The following CAMKK2 variants were observed in gnomAD, a reference collection of about 807,000 sequenced individuals.
The protein encoded by CAMKK2 is calcium/calmodulin dependent protein kinase kinase 2, also known as calcium/calmodulin-dependent protein kinase kinase 2.
CAMKK2 carries 30 observed loss-of-function variants against 67.2 expected under a neutral mutation model. The ratio of observed to expected loss-of-function variants is 0.45; its 90% CI spans 0.33 to 0.61. CAMKK2 has a LOEUF of 0.61. Ranked by LOEUF, CAMKK2 falls within the 20% of genes least tolerant of loss-of-function variation. The pLI, the probability that CAMKK2 is intolerant of heterozygous loss-of-function variation, is 0.02. For missense variants in CAMKK2, 643 were observed against 802.0 expected, an observed-to-expected ratio of 0.80 and a Z score of 2.39; for synonymous variants, 322 against 326.2, an observed-to-expected ratio of 0.99 and a Z score of 0.14.
In CAMKK2 at chr12:121,274,318, C is replaced by G; in HGVS notation, c.209G>C (p.Arg70Pro). Residue 70 changes from arginine to proline, a missense_variant, in exon 2 of 17, where the codon CGG becomes CCG. Arg to Pro is a moderately radical substitution (Grantham distance 103, BLOSUM62 -2). This residue lies in a region of CAMKK2 where 483 missense variants were observed against 625.8 expected (regional missense o/e 0.77). Coordinates refer to ENST00000404169, the MANE Select transcript of CAMKK2 (RefSeq NM_001270485.2). Reference protein sequence around the residue: ...PGCAVDLGLARDRPLEADGQE... With the variant: ...PGCAVDLGLAPDRPLEADGQE... ...GCCATCGGCCTCCAGGGGCCGGTCC[C>G]GCGCCAAGCCGAGGTCCACAGCACA... 6.2e-7 allele frequency: 1 copy of G among 1,613,210 alleles called. No individual in the cohort carries two copies.
chr12:121,265,934 C>T (rs1894437215), intron 5 of CAMKK2, among the ~76,000 whole-genome samples: 1 of 151,946 alleles, frequency 6.6e-6, no homozygotes, highest in African/African-American at 2.4e-5. Context: ...GAAGGCACTA[C>T]CTATGTTTGT....
rs189066391 is a variant in CAMKK2 at position 121,273,346 on chromosome 12, G to A, written c.471+710C>T. On this transcript the variant is annotated intron_variant, in intron 2 of 16. Coordinates refer to ENST00000404169, the MANE Select transcript of CAMKK2 (RefSeq NM_001270485.2). The stretch of plus-strand genomic sequence containing the variant: ...GGCAAGAGCTTGGATTCCGAGGAAT[G>A]TGAAGGCAGGAACAGAGGGAGCTTA... Among the ~76,000 whole-genome samples the A allele has an allele frequency of 3.8e-4, 58 of 152,216 alleles. 1 individual carries two copies. The highest frequency in any genetic ancestry group is 1.4e-3 in the Admixed American group (22 of 15,286).
rs148510926 is a variant in CAMKK2 at position 121,239,727 on chromosome 12, G to A, written c.*972C>T. 3 of 152,326 alleles carry A rather than the reference G, an allele frequency of 2.0e-5. No individual in the cohort carries two copies. The highest frequency in any genetic ancestry group is 2.9e-5 in the Non-Finnish European group (2 of 68,028). 9.4% of individuals were successfully genotyped at this position (152,326 alleles called of 1,614,324 possible). A position where few individuals can be genotyped will look rare whatever the true frequency, so the allele number is the denominator to read the frequency against. ...GCTAATATATATACAGGCGGGCATA[G>A]GTTTCATCGGCTCTAACTGATCACA... On this transcript the variant is annotated 3_prime_UTR_variant, in exon 17 of 17. Transcript: ENST00000404169.
At position 121,251,124 on chromosome 12, in the gene CAMKK2, C is replaced by T. The variant is rs373424322; in HGVS notation, c.1162-1090G>A. Among the ~76,000 whole-genome samples, 53 of 152,278 alleles carry T rather than the reference C, an allele frequency of 3.5e-4. 1 individual carries two copies. The South Asian group carries it at 6.0e-3, about 17-fold the overall frequency. ...GTGGCAGAGAGGTACCTGAACCACC[C>T]GTCTAAGGAAAACGATTTCATTAAG... On this transcript the variant is annotated intron_variant, in intron 11 of 16. Coordinates refer to ENST00000404169, the MANE Select transcript of CAMKK2 (RefSeq NM_001270485.2).
At chr12:121,289,796 G>A (rs140470511) in intron 1 of CAMKK2, among the ~76,000 whole-genome samples, 161 of 152,036 alleles carry the variant, frequency 1.1e-3, no homozygotes, top group Non-Finnish European at 1.8e-3. Flanking sequence ...GGAAGGTTGA[G>A]GCACGACAAT....
chr12:121,283,110 G>A (rs908053611), intron 1 of CAMKK2, among the ~76,000 whole-genome samples: 1 of 152,140 alleles, frequency 6.6e-6, no homozygotes, highest in African/African-American at 2.4e-5. Context: ...GCTTCTCTAG[G>A]AAGATAATAC....
At chr12:121,295,089 G>C (rs1900875433) in intron 1 of CAMKK2, among the ~76,000 whole-genome samples, 1 of 152,312 alleles carries the variant, frequency 6.6e-6, no homozygotes, top group East Asian at 1.9e-4. Flanking sequence ...AGAATCGCTT[G>C]AACCCGGGAG....
intron 7 of CAMKK2, among the ~76,000 whole-genome samples, chr12:121,256,465 A>C (rs1892319815): frequency 6.6e-6 from 1 of 152,164 alleles, no homozygotes; most frequent in African/African-American, 2.4e-5. Flanking sequence ...GTATATTCAC[A>C]ATTTTGGGCA....
intron 4 of CAMKK2, among the ~76,000 whole-genome samples, chr12:121,269,183 T>C (rs558907465): frequency 6.6e-6 from 1 of 152,162 alleles, no homozygotes; most frequent in East Asian, 1.9e-4. Context: ...ACACGATAGA[T>C]TCAGGTTCAA....
intron 1 of CAMKK2, among the ~76,000 whole-genome samples, chr12:121,276,371 G>A (rs899556152): frequency 2.0e-5 from 3 of 152,046 alleles, no homozygotes; most frequent in African/African-American, 7.2e-5. Flanking sequence ...GGGAGGCTGA[G>A]GCAGGAGAAT....
At chr12:121,265,993 G>A (rs149800305) in intron 5 of CAMKK2, among the ~76,000 whole-genome samples, 7 of 152,260 alleles carry the variant, frequency 4.6e-5, no homozygotes, top group Admixed American at 3.3e-4. Flanking sequence ...GTGCAGTGGC[G>A]CAATCAAGAA....
intron 2 of CAMKK2, among the ~76,000 whole-genome samples, chr12:121,271,240 C>T (rs1246129117): frequency 1.3e-5 from 2 of 149,580 alleles, no homozygotes; most frequent in African/African-American, 5.0e-5. Context: ...CACCATTGCA[C>T]TCCAGCCTGG....
intron 1 of CAMKK2, among the ~76,000 whole-genome samples, chr12:121,274,800 T>C (rs999580552): frequency 8.3e-6 from 1 of 119,862 alleles, no homozygotes; most frequent in Non-Finnish European, 1.7e-5. Flanking sequence ...TTTTTCTTTT[T>C]TTTTCTTTTT....
chr12:121,296,556 C>T lies in CAMKK2; in HGVS notation c.-60+82G>A, dbSNP rs1376349098. On this transcript the variant is annotated intron_variant, in intron 1 of 16. Coordinates refer to ENST00000404169, the MANE Select transcript of CAMKK2 (RefSeq NM_001270485.2). This position sits in a 1 kb window ranked among gnomAD's most constrained non-coding sequence, Gnocchi z 7.1. The stretch of plus-strand genomic sequence containing the variant: ...GTGTGCCATGCCGGCGGCGGTCCCC[C>T]GCCTCGAGAGGGAAACGGAGCGGGC... The T allele has an allele frequency of 2.0e-5, 3 of 151,966 alleles. No individual in the cohort carries two copies. The highest frequency in any genetic ancestry group is 4.4e-5 in the Non-Finnish European group (3 of 67,962). The allele number at this position is 151,966 out of a possible 1,614,324, so 9.4% of individuals were successfully genotyped here. A position where few individuals can be genotyped will look rare whatever the true frequency, so the allele number is the denominator to read the frequency against.
intron 1 of CAMKK2, among the ~76,000 whole-genome samples, chr12:121,287,502 C>A (rs1051159118): frequency 6.6e-6 from 1 of 152,046 alleles, no homozygotes; most frequent in African/African-American, 2.4e-5. Context: ...TCCAGGTGGC[C>A]TGCCCTGCAG....
intron 1 of CAMKK2, among the ~76,000 whole-genome samples, chr12:121,291,513 G>A (rs1388489028): frequency 2.0e-5 from 3 of 152,158 alleles, no homozygotes; most frequent in Non-Finnish European, 2.9e-5. Flanking sequence ...AATGAAAGAA[G>A]CCAGACACAA....
intron 5 of CAMKK2, among the ~76,000 whole-genome samples, chr12:121,264,317 A>T (rs1490534507): frequency 6.6e-6 from 1 of 152,218 alleles, no homozygotes; most frequent in African/African-American, 2.4e-5. Flanking sequence ...GGACATAAAC[A>T]TTAACTCTTA....
Position 121,296,469 on chromosome 12 carries a change from G to T in CAMKK2, c.-60+169C>A, listed in dbSNP as rs963635411. 2.6e-5 allele frequency among the ~76,000 whole-genome samples: 4 copies of T among 152,128 alleles called. No individual in the cohort carries two copies. Among genetic ancestry groups the T allele is most frequent in the African/African-American group, 9.7e-5 (4 of 41,436 alleles). On this transcript the variant is annotated intron_variant, in intron 1 of 16. Transcript: ENST00000404169. The surrounding 1 kb of genome is among the most constrained non-coding windows in gnomAD (Gnocchi z 7.1). ...GGACCGTGTCCCTCCACGTGGCGGG[G>T]CGTGGGGAGGCGCACGTGGGGTCCC...
Position 121,239,643 on chromosome 12 carries a change from A to C in CAMKK2, c.*1056T>G, listed in dbSNP as rs200089667. The stretch of plus-strand genomic sequence containing the variant: ...TGACCACAACAATCAGCTAGGATTT[A>C]AAATGAAAACAAAACCTTAGCAGTC... On this transcript the variant is annotated 3_prime_UTR_variant, in exon 17 of 17. Transcript: ENST00000404169. 6 of 152,234 alleles carry C rather than the reference A, an allele frequency of 3.9e-5. No homozygotes were observed. Among genetic ancestry groups the C allele is most frequent in the Admixed American group, 2.0e-4 (3 of 15,272 alleles). 9.4% of individuals were successfully genotyped at this position (152,234 alleles called of 1,614,324 possible).
Sources: allele counts gnomAD v4.1 joint callset (sites outside exome capture counted in the v4.1 genomes callset), GRCh38; gene constraint gnomAD v4.1.1; regional missense constraint gnomAD v4.1.1; non-coding constraint Gnocchi (gnomAD v3.1); transcripts MANE v1.5; gene names NCBI Gene and HGNC (gene_info 2026-07-23, HGNC 2026-07-21).